The following UMAD1 variants were observed in gnomAD, a reference collection of about 807,000 sequenced individuals.
UMAD1 encodes the protein UBAP1-MVB12-associated (UMA) domain containing 1.
UMAD1 carries 8 observed loss-of-function variants against 6.1 expected under a neutral mutation model. The ratio of observed to expected loss-of-function variants is 1.30; its 90% CI spans 0.76 to 2.35. UMAD1 has a LOEUF of 2.35. Ranked by LOEUF, UMAD1 falls within the 30% of genes most tolerant of loss-of-function variation. The pLI, the probability that UMAD1 is intolerant of heterozygous loss-of-function variation, is 0.00. For missense variants in UMAD1, 130 were observed against 78.4 expected (o/e 1.66, Z -2.49); for synonymous variants, 56 against 31.4 (o/e 1.78, Z -2.61).
chr7:7,695,743 ATATC>A (rs1780298479), intron 2 of UMAD1, among the ~76,000 whole-genome samples: 1 of 152,144 alleles, frequency 6.6e-6, no homozygotes, highest in Non-Finnish European at 1.5e-5. Flanking sequence ...AGCATCTTTA[ATATC>A]TATGTATGTT....
chr7:7,777,560 T>C (rs1782238332), intron 2 of UMAD1, among the ~76,000 whole-genome samples: 1 of 129,292 alleles, frequency 7.7e-6, no homozygotes, highest in Admixed American at 8.2e-5. Flanking sequence ...TTTATGTCAT[T>C]TCATACATGA....
At chr7:7,870,102 G>A (rs1784307263) in intron 3 of UMAD1, among the ~76,000 whole-genome samples, 1 of 152,130 alleles carries the variant, frequency 6.6e-6, no homozygotes, top group Non-Finnish European at 1.5e-5. Context: ...AATTTGGCCA[G>A]TCAATTTTTT....
intron 1 of UMAD1, among the ~76,000 whole-genome samples, chr7:7,662,161 C>G (rs1331810244): frequency 6.6e-6 from 1 of 152,122 alleles, no homozygotes; most frequent in Non-Finnish European, 1.5e-5. Flanking sequence ...CCCTTCCCCC[C>G]ACCAAGCTCG....
At chr7:7,737,061 C>T (rs1231025364) in intron 2 of UMAD1, among the ~76,000 whole-genome samples, 1 of 152,254 alleles carries the variant, frequency 6.6e-6, no homozygotes, top group Admixed American at 6.5e-5. Context: ...TGCCCCTGTC[C>T]AGTAGGTTCT....
intron 3 of UMAD1, among the ~76,000 whole-genome samples, chr7:7,863,871 G>C (rs1382174058): frequency 6.6e-6 from 1 of 152,178 alleles, no homozygotes; most frequent in Non-Finnish European, 1.5e-5. Flanking sequence ...AGTCCAAGTA[G>C]AGAGATAAGG....
At chr7:7,703,801 A>G (rs796209967) in intron 2 of UMAD1, among the ~76,000 whole-genome samples, 34 of 152,134 alleles carry the variant, frequency 2.2e-4, no homozygotes, top group African/African-American at 7.0e-4. Flanking sequence ...TAGCCAGGTA[A>G]TGTGGTGGCG....
At position 7,701,494 on chromosome 7, in the gene UMAD1, T is replaced by C. The variant is rs182521764; in HGVS notation, c.82+28041T>C. ...CTAGAGACTTTCTCAGTGCTCACTC[T>C]TACATGCTTGTAAATCTGTGCTGCT... On this transcript the variant is annotated intron_variant, in intron 2 of 3. Transcript: ENST00000682710. Among the ~76,000 whole-genome samples the C allele has an allele frequency of 3.3e-5, 5 of 152,362 alleles. No homozygotes were observed. The East Asian group carries it at 7.7e-4, about 23-fold the overall frequency.
At chr7:7,778,870 A>T (rs939607804) in intron 2 of UMAD1, among the ~76,000 whole-genome samples, 3 of 152,238 alleles carry the variant, frequency 2.0e-5, no homozygotes, top group African/African-American at 7.2e-5. Flanking sequence ...ACTTCTAAAT[A>T]AAAATAAGAA....
At chr7:7,681,224 AT>A (rs1014469462) in intron 2 of UMAD1, among the ~76,000 whole-genome samples, 1 of 152,136 alleles carries the variant, frequency 6.6e-6, no homozygotes, top group African/African-American at 2.4e-5. Flanking sequence ...TAAGCTATAA[AT>A]TATCTATTTT....
At chr7:7,722,579 C>G (rs1781071812) in intron 2 of UMAD1, among the ~76,000 whole-genome samples, 1 of 152,114 alleles carries the variant, frequency 6.6e-6, no homozygotes, top group Non-Finnish European at 1.5e-5. Context: ...GTTCACTGGA[C>G]AAAGTGATGA....
intron 2 of UMAD1, among the ~76,000 whole-genome samples, chr7:7,703,483 T>A (rs758601527): frequency 6.6e-6 from 1 of 152,222 alleles, no homozygotes; most frequent in Non-Finnish European, 1.5e-5. Context: ...ATTGTGTGGA[T>A]ATAGCACATA....
intron 2 of UMAD1, among the ~76,000 whole-genome samples, chr7:7,753,167 A>G (rs34502469): frequency 0.052 from 7,884 of 152,212 alleles, 239 homozygotes; most frequent in South Asian, 0.095. Flanking sequence ...GTAGGTGTAT[A>G]TATTTATGGA....
intron 2 of UMAD1, among the ~76,000 whole-genome samples, chr7:7,712,024 G>T (rs1015938404): frequency 6.6e-6 from 1 of 151,726 alleles, no homozygotes; most frequent in African/African-American, 2.4e-5. Flanking sequence ...TTTTCTTCAC[G>T]TATCTTCCAA....
chr7:7,644,111 G>GT (rs778489904), intron 1 of UMAD1, among the ~76,000 whole-genome samples: 18 of 152,104 alleles, frequency 1.2e-4, no homozygotes, highest in Non-Finnish European at 7.4e-5. Context: ...AACTCTTGGA[G>GT]TTTTTTCCCC....
At chr7:7,753,044 C>T (rs1053812328) in intron 2 of UMAD1, among the ~76,000 whole-genome samples, 4 of 152,228 alleles carry the variant, frequency 2.6e-5, no homozygotes, top group African/African-American at 9.6e-5. Context: ...TAAAAGACCC[C>T]TCCTCCACTC....
intron 2 of UMAD1, among the ~76,000 whole-genome samples, chr7:7,769,163 C>G (rs1351262714): frequency 6.6e-6 from 1 of 152,040 alleles, no homozygotes; most frequent in Non-Finnish European, 1.5e-5. Flanking sequence ...AAGCTGAGCT[C>G]CAGATACTCA....
intron 2 of UMAD1, among the ~76,000 whole-genome samples, chr7:7,708,173 A>C (rs1040333858): frequency 1.3e-5 from 2 of 152,164 alleles, no homozygotes; most frequent in Non-Finnish European, 2.9e-5. Context: ...AATAGCAATT[A>C]CATATTCAAA....
At chr7:7,754,466 C>G (rs1781737545) in intron 2 of UMAD1, among the ~76,000 whole-genome samples, 2 of 152,052 alleles carry the variant, frequency 1.3e-5, no homozygotes, top group African/African-American at 4.8e-5. Flanking sequence ...AGTTTTATTT[C>G]CTACAGAGTT....
intron 1 of UMAD1, among the ~76,000 whole-genome samples, chr7:7,673,064 TTTTCTGAATC>T (rs979807646): frequency 1.3e-5 from 2 of 152,216 alleles, no homozygotes; most frequent in African/African-American, 4.8e-5. Flanking sequence ...TCCTGGGTTA[TTTTCTGAATC>T]TTCAGAACTT....
Sources: gnomAD v4.1 joint callset for allele counts (sites outside exome capture counted in the v4.1 genomes callset) on GRCh38, gnomAD v4.1.1 for gene constraint, MANE v1.5 for transcripts, NCBI Gene and HGNC (gene_info 2026-07-23, HGNC 2026-07-21) for gene names.